Variants in STK32C observed in about 807,000 individuals in gnomAD.
The protein encoded by STK32C is serine/threonine kinase 32C.
A neutral mutation model predicts 56.5 loss-of-function variants in STK32C; 31 were observed. The observed-to-expected ratio is 0.55, with a 90% confidence interval of 0.41 to 0.74. The LOEUF (loss-of-function observed/expected upper bound fraction) is 0.74. STK32C is among the 30% of genes least tolerant of loss of function. The pLI is 0.00. For synonymous variants in STK32C, 309 were observed against 289.4 expected, an observed-to-expected ratio of 1.07 and a Z score of -0.69; for missense variants, 544 against 676.9, an observed-to-expected ratio of 0.80 and a Z score of 2.18.
At chr10:132,295,138 A>G (rs1243761262) in intron 1 of STK32C, among the ~76,000 whole-genome samples, 2 of 152,134 alleles carry the variant, frequency 1.3e-5, no homozygotes, top group Non-Finnish European at 2.9e-5. Flanking sequence ...GAGCAAACAA[A>G]GTGACAGGAA....
intron 1 of STK32C, among the ~76,000 whole-genome samples, chr10:132,318,842 A>G (rs1221443904): frequency 6.7e-6 from 1 of 150,092 alleles, no homozygotes; most frequent in Non-Finnish European, 1.5e-5. Context: ...AGATACAACT[A>G]CACACTTACT....
chr10:132,240,412 G>A (rs1000476062), intron 2 of STK32C, among the ~76,000 whole-genome samples: 23 of 152,174 alleles, frequency 1.5e-4, no homozygotes, highest in South Asian at 1.0e-3. Context: ...CTGTCTTCTC[G>A]CTGAGACGGC....
chr10:132,282,238 C>G (rs1222574842), intron 1 of STK32C, among the ~76,000 whole-genome samples: 1 of 152,266 alleles, frequency 6.6e-6, no homozygotes, highest in Non-Finnish European at 1.5e-5. Flanking sequence ...TTCGCAGCCG[C>G]CCACCCCGGC....
At chr10:132,225,390 G>A (rs377207517) in intron 6 of STK32C, 54 bp from the exon 7 acceptor site, 365 of 1,584,896 alleles carry the variant, frequency 2.3e-4, no homozygotes, top group African/African-American at 7.9e-4. Flanking sequence ...GCCCGGACCC[G>A]TGGGCACAGG....
chr10:132,290,703 G>A (rs967128448), intron 1 of STK32C, among the ~76,000 whole-genome samples: 2 of 152,214 alleles, frequency 1.3e-5, no homozygotes, highest in Admixed American at 6.5e-5. Flanking sequence ...ACAGCCCTGG[G>A]GCGCTGGACA....
chr10:132,331,329 G>T, intron 1 of STK32C: 1 of 1,109,716 alleles, frequency 9.0e-7, no homozygotes, highest in Non-Finnish European at 1.3e-6. Flanking sequence ...TGGAATGAAG[G>T]TGCACGGGAC....
chr10:132,250,337 G>A (rs987327173), intron 1 of STK32C, among the ~76,000 whole-genome samples: 6 of 142,490 alleles, frequency 4.2e-5, no homozygotes, highest in Admixed American at 1.4e-4. Flanking sequence ...TGTGTGAGGC[G>A]CACGGGACAG....
At position 132,298,639 on chromosome 10, in the gene STK32C, T is replaced by C. The variant is rs2138351735; in HGVS notation, c.262+8933A>G. On this transcript the variant is annotated intron_variant, in intron 1 of 11. Transcript: ENST00000298630. ...CGCCCTGTGTGGGGTCACCGGGGAG[T>C]TGAGCGCCGTGTGTGGGGTCACTGG... is the stretch of plus-strand genomic sequence containing the variant. 4.0e-5 allele frequency among the ~76,000 whole-genome samples: 6 copies of C among 149,132 alleles called. 2 individuals are homozygous for C. The highest frequency in any genetic ancestry group is 4.0e-4 in the Admixed American group (6 of 15,002).
At chr10:132,234,281 G>A (rs763467822) in intron 2 of STK32C, among the ~76,000 whole-genome samples, 11 of 152,304 alleles carry the variant, frequency 7.2e-5, no homozygotes, top group East Asian at 5.8e-4. Context: ...GAGCTCTGCC[G>A]CTGTTTCTCC....
intron 2 of STK32C, among the ~76,000 whole-genome samples, chr10:132,230,679 C>CCGG (rs1273802384): frequency 6.0e-5 from 3 of 49,684 alleles, no homozygotes; most frequent in Admixed American, 2.0e-4. Context: ...GGGAAGCTGG[C>CCGG]GGGGGGGGGG....
intron 7 of STK32C, among the ~76,000 whole-genome samples, chr10:132,224,891 C>T (rs1241817212): frequency 2.6e-5 from 4 of 152,156 alleles, no homozygotes; most frequent in South Asian, 2.1e-4. Flanking sequence ...CTGGCCTCGC[C>T]GTGGCCACAA....
At chr10:132,285,736 T>C (rs554084320) in intron 1 of STK32C, among the ~76,000 whole-genome samples, 56 of 152,330 alleles carry the variant, frequency 3.7e-4, no homozygotes, top group African/African-American at 1.2e-3. Context: ...GACATAGCGA[T>C]AGATTGCATC....
At chr10:132,315,905 A>C (rs1203566808) in intron 1 of STK32C, among the ~76,000 whole-genome samples, 2 of 152,248 alleles carry the variant, frequency 1.3e-5, no homozygotes, top group African/African-American at 4.8e-5. Context: ...ATCAATTATA[A>C]AAGAGAGTCC....
chr10:132,222,319 G>A (rs1160857598), intron 10 of STK32C, among the ~76,000 whole-genome samples: 2 of 150,614 alleles, frequency 1.3e-5, no homozygotes, highest in African/African-American at 2.4e-5. Context: ...GCACCTGGGC[G>A]AGTGTGAGGG....
rs985790466 is a variant in STK32C, at chr10:132,307,187, G to A, written c.262+385C>T. The A allele has an allele frequency of 6.3e-6, 1 of 159,326 alleles. No homozygotes were observed. The highest frequency in any genetic ancestry group is 1.8e-4 in the East Asian group (1 of 5,454). The allele number at this position is 159,326 out of a possible 1,614,324, so 9.9% of individuals were successfully genotyped here. ...GCCTCACTCGCACTCGGGCGGCACA[G>A]GTGAGCGCCTCTCTAACTGCAAAGT... is the stretch of plus-strand genomic sequence containing the variant. On this transcript the variant is annotated intron_variant, in intron 1 of 11. Transcript: ENST00000298630. The surrounding 1 kb of genome is among the most constrained non-coding windows in gnomAD (Gnocchi z 4.4).
intron 1 of STK32C, among the ~76,000 whole-genome samples, chr10:132,285,043 A>G (rs1398236128): frequency 6.0e-5 from 8 of 133,082 alleles, no homozygotes; most frequent in Non-Finnish European, 1.3e-4. Flanking sequence ...AAGACCAGGC[A>G]TGAACCCGGA....
intron 10 of STK32C, among the ~76,000 whole-genome samples, chr10:132,216,453 G>A (rs1282127814): frequency 2.2e-5 from 3 of 135,664 alleles, no homozygotes; most frequent in Admixed American, 8.5e-5. Context: ...CTGGGTGACA[G>A]AGCAAGACTG....
At position 132,279,025 on chromosome 10, in the gene STK32C, C is replaced by T. The variant is rs75477038; in HGVS notation, c.262+28547G>A. 3.9e-5 allele frequency among the ~76,000 whole-genome samples: 6 copies of T among 152,252 alleles called. No homozygotes were observed. In the East Asian group the frequency reaches 1.2e-3, roughly 29 times the overall value. ...CCTTTGTCTTGAATACAGCCAGTGCCAGTTGCCCATATACCATGCAGGGGG... is the reference window on the plus strand; with the variant it reads ...CCTTTGTCTTGAATACAGCCAGTGCTAGTTGCCCATATACCATGCAGGGGG... On this transcript the variant is annotated intron_variant, in intron 1 of 11. Transcript: ENST00000298630.
intron 2 of STK32C, among the ~76,000 whole-genome samples, chr10:132,229,370 A>G (rs2063013519): frequency 6.6e-6 from 1 of 152,086 alleles, no homozygotes; most frequent in South Asian, 2.1e-4. Context: ...GGTGGCACAC[A>G]CCCGTAGTCC....
Sources: gnomAD v4.1 joint callset for allele counts (sites outside exome capture counted in the v4.1 genomes callset) on GRCh38, gnomAD v4.1.1 for gene constraint, Gnocchi (gnomAD v3.1) non-coding constraint, MANE v1.5 for transcripts, NCBI Gene and HGNC (gene_info 2026-07-23, HGNC 2026-07-21) for gene names.